PHACTR2: variants seen among roughly 807,000 people sequenced by gnomAD.
The protein encoded by PHACTR2 is phosphatase and actin regulator 2.
A neutral mutation model predicts 76.0 loss-of-function variants in PHACTR2; 30 were observed. The observed-to-expected ratio is 0.39, with a 90% CI of 0.30 to 0.54. The LOEUF is 0.54. Among genes scored for constraint, PHACTR2 ranks in the 20% least tolerant of loss-of-function variants. The probability of loss-of-function intolerance (pLI) is 0.61; values close to 1 mark genes in which losing one functional copy is unlikely to be tolerated. For missense variants in PHACTR2, 696 were observed against 781.1 expected (o/e 0.89, Z 1.30); for synonymous variants, 292 against 292.5 (o/e 1.00, Z 0.02).
chr6:143,728,216 C>CTTTTTTTTTTTTTT (rs548709835), intron 2 of PHACTR2, among the ~76,000 whole-genome samples: 3 of 83,742 alleles, frequency 3.6e-5, no homozygotes, highest in Non-Finnish European at 6.7e-5. Flanking sequence ...TTTTTTCTTT[C>CTTTTTTTTTTTTTT]TTTTTTTTTT....
rs142078736 is a variant in PHACTR2 at position 143,785,779 on chromosome 6, C to T, written c.1707+2499C>T. ...AAGCTGCCAAGGCTTGGGGCTTCCA[C>T]GATCTGAAGCCACAGCCCAAGTTCT... On this transcript the variant is annotated intron_variant, in intron 10 of 12. Transcript: ENST00000440869. Among the ~76,000 whole-genome samples the T allele has an allele frequency of 5.5e-4, 84 of 152,350 alleles. No individual in the cohort carries two copies. In the East Asian group the frequency reaches 0.014, roughly 25 times the overall value.
chr6:143,712,311 T>G, intron 2 of PHACTR2, 128 bp downstream of exon 2: 1 of 550,708 alleles, frequency 1.8e-6, no homozygotes, highest in East Asian at 3.5e-5. Context: ...AAATTCTTTA[T>G]TTTAAGAATA....
At position 143,539,318 on chromosome 6, in the gene PHACTR2, T is replaced by C. The variant is rs188835752; in HGVS notation, c.217+2111T>C. Among the ~76,000 whole-genome samples the C allele has an allele frequency of 4.0e-4, 61 of 152,342 alleles. 1 individual carries two copies. The East Asian group carries it at 0.011, about 28-fold the overall frequency. ...GCACAGATGTAGAAGAGTGAACATCTTTCATGTACCTGATTTCATTTTCAG... is the reference window on the plus strand; with the variant it reads ...GCACAGATGTAGAAGAGTGAACATCCTTCATGTACCTGATTTCATTTTCAG... On this transcript the variant is annotated intron_variant, in intron 1 of 11. Coordinates refer to the PHACTR2 transcript ENST00000367584. This position sits in a 1 kb window ranked among gnomAD's most constrained non-coding sequence, Gnocchi z 4.3.
intron 11 of PHACTR2, among the ~76,000 whole-genome samples, chr6:143,805,245 C>G (rs1582898627): frequency 6.6e-6 from 1 of 151,804 alleles, no homozygotes; most frequent in South Asian, 2.1e-4. Flanking sequence ...TTTGGGAGGC[C>G]GAGGCGGGCG....
At chr6:143,702,877 A>G (rs1456023929) in intron 1 of PHACTR2, among the ~76,000 whole-genome samples, 1 of 149,788 alleles carries the variant, frequency 6.7e-6, no homozygotes, top group Non-Finnish European at 1.5e-5. Context: ...GGGCAACATC[A>G]AAAGATGGTA....
At position 143,789,567 on chromosome 6, in the gene PHACTR2, T is replaced by C. The variant is rs568549990; in HGVS notation, c.1845+657T>C. On this transcript the variant is annotated intron_variant, in intron 11 of 12. Transcript: ENST00000440869. The surrounding 1 kb of genome is among the most constrained non-coding windows in gnomAD (Gnocchi z 5.1). ...AAAGACTTTTACCTTATTAGTACCA[T>C]TGTTCCATAGGCAAAGATTCGTGCC... Among the ~76,000 whole-genome samples the C allele has an allele frequency of 1.2e-4, 19 of 152,238 alleles. No homozygotes were observed. The highest frequency in any genetic ancestry group is 3.9e-4 in the African/African-American group (16 of 41,456).
intron 1 of PHACTR2, among the ~76,000 whole-genome samples, chr6:143,702,078 A>G (rs1466160471): frequency 6.6e-6 from 1 of 151,468 alleles, no homozygotes; most frequent in Non-Finnish European, 1.5e-5. Context: ...AAAACCCAGA[A>G]CAATAACACA....
At chr6:143,812,600 T>C (rs1776202908) in intron 12 of PHACTR2, among the ~76,000 whole-genome samples, 1 of 152,168 alleles carries the variant, frequency 6.6e-6, no homozygotes, top group South Asian at 2.1e-4. Context: ...TGCCCTGGAA[T>C]TGGAATGGAT....
intron 5 of PHACTR2, among the ~76,000 whole-genome samples, chr6:143,763,679 A>T (rs1284257366): frequency 6.6e-6 from 1 of 152,214 alleles, no homozygotes; most frequent in East Asian, 1.9e-4. Flanking sequence ...CCTGTCACTA[A>T]ATAAGACTGG....
upstream of PHACTR2, among the ~76,000 whole-genome samples, chr6:143,606,686 T>G (rs1457612400): frequency 6.6e-6 from 1 of 152,178 alleles, no homozygotes; most frequent in Non-Finnish European, 1.5e-5. Context: ...TTGGAGCTTA[T>G]AACACTCACT....
intron 1 of PHACTR2, chr6:143,711,059 AT>A (rs1402447138): frequency 1.9e-6 from 1 of 516,554 alleles, no homozygotes. Context: ...CAAAAGTGAA[AT>A]GCAAAAAATT....
Position 143,775,584 on chromosome 6 carries a change from G to A in PHACTR2, c.1589+1369G>A, listed in dbSNP as rs553475530. Among the ~76,000 whole-genome samples the A allele has an allele frequency of 6.6e-6, 1 of 152,206 alleles. No individual in the cohort carries two copies. The highest frequency in any genetic ancestry group is 2.1e-4 in the South Asian group (1 of 4,812). On this transcript the variant is annotated intron_variant, in intron 8 of 12. Transcript: ENST00000440869. The surrounding 1 kb of genome is among the most constrained non-coding windows in gnomAD (Gnocchi z 4.4). ...AACCAGAATTAGAATTTCGCTCCTG[G>A]GCTCTCTGCCCAATTTTCTTTTGTA... is the stretch of plus-strand genomic sequence containing the variant.
At position 143,581,209 on chromosome 6, in the gene PHACTR2, G is replaced by C. The variant is rs1360529785; in HGVS notation, c.217+44002G>C. 6.6e-6 allele frequency among the ~76,000 whole-genome samples: 1 copy of C among 152,160 alleles called. No individual in the cohort carries two copies. The highest frequency in any genetic ancestry group is 1.5e-5 in the Non-Finnish European group (1 of 68,040). ...TGTTCTCAAGTCTCCGTGTGGACAG[G>C]GGATGAGGGTTACCTGGTTTCTGCT... On this transcript the variant is annotated intron_variant, in intron 1 of 11. Coordinates refer to the PHACTR2 transcript ENST00000367584. This position sits in a 1 kb window ranked among gnomAD's most constrained non-coding sequence, Gnocchi z 4.5.
intron 1 of PHACTR2, among the ~76,000 whole-genome samples, chr6:143,544,469 G>A (rs894091940): frequency 1.2e-4 from 18 of 148,692 alleles, no homozygotes; most frequent in Middle Eastern, 3.4e-3. Flanking sequence ...ACCTCCCTAT[G>A]CTAGGTTTAA....
intron 11 of PHACTR2, among the ~76,000 whole-genome samples, chr6:143,792,068 T>A (rs1015241372): frequency 1.3e-5 from 2 of 152,122 alleles, no homozygotes; most frequent in Non-Finnish European, 2.9e-5. Context: ...GGAGAGAGAA[T>A]TATTTATTAG....
chr6:143,714,800 A>G (rs940642840), intron 2 of PHACTR2, among the ~76,000 whole-genome samples: 2 of 152,182 alleles, frequency 1.3e-5, no homozygotes, highest in East Asian at 3.9e-4. Context: ...CTATTGTTAG[A>G]ACTCAAAATG....
rs879621045 is a variant in PHACTR2 at position 143,664,137 on chromosome 6, A to G, written c.14-47879A>G. On this transcript the variant is annotated intron_variant, in intron 1 of 11. Transcript: ENST00000305766. The surrounding 1 kb of genome is among the most constrained non-coding windows in gnomAD (Gnocchi z 5.1). Reference sequence around the variant, plus strand: ...ATCCTGTTAGATTATAATTTTTGTCATTACACTATATAATATGTCCCTCTA... The same window carrying G: ...ATCCTGTTAGATTATAATTTTTGTCGTTACACTATATAATATGTCCCTCTA... 9.9e-5 allele frequency among the ~76,000 whole-genome samples: 15 copies of G among 152,254 alleles called. No homozygotes were observed. Among genetic ancestry groups the G allele is most frequent in the Admixed American group, 9.8e-4 (15 of 15,296 alleles).
At chr6:143,590,877 C>T (rs1484289732) in intron 1 of PHACTR2, among the ~76,000 whole-genome samples, 2 of 152,066 alleles carry the variant, frequency 1.3e-5, no homozygotes, top group Non-Finnish European at 2.9e-5. Flanking sequence ...TCAGCCCATT[C>T]CCTATCCCAA....
upstream of PHACTR2, among the ~76,000 whole-genome samples, chr6:143,676,080 T>C (rs1777239889): frequency 6.6e-6 from 1 of 152,186 alleles, no homozygotes; most frequent in Non-Finnish European, 1.5e-5. The surrounding 1 kb of genome is among the most constrained non-coding windows in gnomAD (Gnocchi z 4.8). Flanking sequence ...GAAAGAAAAC[T>C]TAGTGCACAC....
Sources: gnomAD v4.1 joint callset for allele counts (sites outside exome capture counted in the v4.1 genomes callset) on GRCh38, gnomAD v4.1.1 for gene constraint, Gnocchi (gnomAD v3.1) non-coding constraint, MANE v1.5 for transcripts, NCBI Gene and HGNC (gene_info 2026-07-23, HGNC 2026-07-21) for gene names.